The following KCTD16 variants were observed in gnomAD, a reference collection of about 807,000 sequenced individuals.
KCTD16 encodes potassium channel tetramerization domain containing 16.
A neutral mutation model predicts 33.2 loss-of-function variants in KCTD16; 13 were observed. The ratio of observed to expected loss-of-function variants is 0.39; its 90% confidence interval spans 0.25 to 0.62. KCTD16 has a LOEUF of 0.62. KCTD16 is among the 20% of genes least tolerant of loss of function. The pLI is 0.50. For missense variants in KCTD16, 441 were observed against 525.1 expected (o/e 0.84, Z 1.57); for synonymous variants, 197 against 195.3 (o/e 1.01, Z -0.07).
Position 144,474,959 on chromosome 5 carries a change from T to G in KCTD16, c.*845T>G, listed in dbSNP as rs947763931. On this transcript the variant is annotated 3_prime_UTR_variant, in exon 4 of 4. Transcript: ENST00000512467. ...AGGATGAGGAGAGCTGGTCAAACAT[T>G]CCTTGTGTTAAAAAAATCAAACATT... The G allele has an allele frequency of 3.3e-5, 5 of 152,154 alleles. No homozygotes were observed. Among genetic ancestry groups the G allele is most frequent in the Non-Finnish European group, 7.3e-5 (5 of 68,032 alleles). The allele number at this position is 152,154 out of a possible 1,614,324, so 9.4% of individuals were successfully genotyped here.
chr5:144,434,848 C>A (rs1753540660), intron 3 of KCTD16, among the ~76,000 whole-genome samples: 1 of 152,074 alleles, frequency 6.6e-6, no homozygotes, highest in South Asian at 2.1e-4. Context: ...ATTGTGGGAG[C>A]CAAGGAATCA....
intron 3 of KCTD16, among the ~76,000 whole-genome samples, chr5:144,261,176 A>G (rs899433092): frequency 6.6e-6 from 1 of 150,606 alleles, no homozygotes; most frequent in Non-Finnish European, 1.5e-5. Context: ...ACAAAAAAAA[A>G]AAAAAAAAGA....
intron 2 of KCTD16, among the ~76,000 whole-genome samples, chr5:144,184,048 C>T (rs1472914099): frequency 1.3e-5 from 2 of 152,042 alleles, no homozygotes; most frequent in African/African-American, 4.8e-5. Flanking sequence ...ACTGTGATGC[C>T]TACAGAACTA....
intron 3 of KCTD16, among the ~76,000 whole-genome samples, chr5:144,324,169 A>G (rs922970745): frequency 6.6e-6 from 1 of 152,140 alleles, no homozygotes; most frequent in African/African-American, 2.4e-5. Flanking sequence ...GCCTCCTTCC[A>G]TCTCCTACAT....
intron 3 of KCTD16, among the ~76,000 whole-genome samples, chr5:144,446,512 T>C (rs1343247474): frequency 6.6e-6 from 1 of 151,984 alleles, no homozygotes; most frequent in African/African-American, 2.4e-5. Flanking sequence ...ACTTCATGAC[T>C]AAAACACCAA....
At chr5:144,195,908 T>G (rs1752930785) in intron 2 of KCTD16, among the ~76,000 whole-genome samples, 1 of 152,210 alleles carries the variant, frequency 6.6e-6, no homozygotes, top group Non-Finnish European at 1.5e-5. Context: ...TAGAACTTTT[T>G]CCTCTTCTCT....
intron 2 of KCTD16, among the ~76,000 whole-genome samples, chr5:144,183,747 A>G (rs943522303): frequency 5.3e-5 from 8 of 152,224 alleles, no homozygotes; most frequent in East Asian, 1.9e-4. Context: ...GAACAAGAAT[A>G]GTGCCTAGCA....
At chr5:144,289,909 AT>A (rs1330972263) in intron 3 of KCTD16, among the ~76,000 whole-genome samples, 1 of 152,222 alleles carries the variant, frequency 6.6e-6, no homozygotes, top group Non-Finnish European at 1.5e-5. Flanking sequence ...AAGAAATACA[AT>A]TTAAACAAAT....
chr5:144,386,865 G>A (rs1369789603), intron 3 of KCTD16, among the ~76,000 whole-genome samples: 1 of 152,208 alleles, frequency 6.6e-6, no homozygotes, highest in African/African-American at 2.4e-5. Context: ...TAATGCACAT[G>A]AGAGTACTTG....
At chr5:144,395,387 A>G (rs1752546397) in intron 3 of KCTD16, among the ~76,000 whole-genome samples, 1 of 152,190 alleles carries the variant, frequency 6.6e-6, no homozygotes, top group African/African-American at 2.4e-5. Context: ...TATAAAATGT[A>G]TCCACTGAAA....
At chr5:144,464,569 G>C (rs1215165055) in intron 3 of KCTD16, among the ~76,000 whole-genome samples, 1 of 152,168 alleles carries the variant, frequency 6.6e-6, no homozygotes, top group African/African-American at 2.4e-5. Context: ...CCCTGACTTA[G>C]AGTGTTATTA....
intron 3 of KCTD16, among the ~76,000 whole-genome samples, chr5:144,401,441 C>T (rs182672590): frequency 2.6e-5 from 4 of 152,184 alleles, no homozygotes; most frequent in African/African-American, 9.6e-5. Flanking sequence ...CACATAAATG[C>T]ACAAACCAAT....
intron 3 of KCTD16, among the ~76,000 whole-genome samples, chr5:144,410,577 A>G (rs1752911685): frequency 6.6e-6 from 1 of 151,968 alleles, no homozygotes; most frequent in Non-Finnish European, 1.5e-5. Flanking sequence ...GTGTATTCCA[A>G]AGTTGGACCT....
At chr5:144,413,751 A>G (rs891752547) in intron 3 of KCTD16, among the ~76,000 whole-genome samples, 4 of 152,212 alleles carry the variant, frequency 2.6e-5, no homozygotes, top group Non-Finnish European at 4.4e-5. Flanking sequence ...TCAATGTACA[A>G]TGCATACTCT....
chr5:144,310,927 G>T (rs114679478), intron 3 of KCTD16, among the ~76,000 whole-genome samples: 1 of 152,122 alleles, frequency 6.6e-6, no homozygotes, highest in African/African-American at 2.4e-5. Flanking sequence ...TACATTATCC[G>T]CAGTGCTAAG....
At chr5:144,187,943 C>T (rs1253219570) in intron 2 of KCTD16, among the ~76,000 whole-genome samples, 1 of 152,160 alleles carries the variant, frequency 6.6e-6, no homozygotes, top group Non-Finnish European at 1.5e-5. Flanking sequence ...ACCACGTCTC[C>T]AGCCCCACCG....
chr5:144,321,431 T>C (rs1272214381), intron 3 of KCTD16, among the ~76,000 whole-genome samples: 1 of 152,182 alleles, frequency 6.6e-6, no homozygotes, highest in Admixed American at 6.5e-5. Flanking sequence ...TTTTGGTAAT[T>C]ACTTCAATCC....
At chr5:144,298,934 C>T (rs549251193) in intron 3 of KCTD16, among the ~76,000 whole-genome samples, 1 of 148,586 alleles carries the variant, frequency 6.7e-6, no homozygotes, top group African/African-American at 2.5e-5. Context: ...GCTTCTTTCA[C>T]CCAGTATCCT....
At chr5:144,321,580 G>C (rs1039704806) in intron 3 of KCTD16, among the ~76,000 whole-genome samples, 3 of 152,132 alleles carry the variant, frequency 2.0e-5, no homozygotes, top group Non-Finnish European at 4.4e-5. Context: ...CACTTGACAT[G>C]CATCTTTCTG....
Sources: gnomAD v4.1 joint callset for allele counts (sites outside exome capture counted in the v4.1 genomes callset) on GRCh38, gnomAD v4.1.1 for gene constraint, MANE v1.5 for transcripts, NCBI Gene and HGNC (gene_info 2026-07-23, HGNC 2026-07-21) for gene names.